Variants in DCPH1 observed in about 807,000 individuals in gnomAD.
DCPH1 encodes damage control phosphatase 1.
the DCPH1 span, among the ~76,000 whole-genome samples, chr6:151,453,630 C>G: frequency 6.6e-6 from 1 of 152,074 alleles, no homozygotes; most frequent in Non-Finnish European, 1.5e-5. Flanking sequence ...TGAAGAAATA[C>G]CCAAGTTACA....
chr6:151,455,679 G>C, the DCPH1 span, among the ~76,000 whole-genome samples: 1 of 152,168 alleles, frequency 6.6e-6, no homozygotes, highest in Non-Finnish European at 1.5e-5. Context: ...GGACGGGCAG[G>C]AGACAGATGC....
chr6:151,468,859 G>T, the DCPH1 span: 4 of 1,614,046 alleles, frequency 2.5e-6, no homozygotes, highest in Non-Finnish European at 3.4e-6. Context: ...ACTACAGAAG[G>T]CACATTTAAT....
the DCPH1 span, among the ~76,000 whole-genome samples, chr6:151,454,242 CA>C: frequency 1.3e-5 from 2 of 152,172 alleles, no homozygotes; most frequent in African/African-American, 4.8e-5. Context: ...CCTATCCTAT[CA>C]CTTTGCTAAG....
At chr6:151,463,205 T>C in the DCPH1 span, among the ~76,000 whole-genome samples, 1 of 152,220 alleles carries the variant, frequency 6.6e-6, no homozygotes, top group South Asian at 2.1e-4. Context: ...TTTTTATCCT[T>C]TTAAGTCACC....
chr6:151,459,257 A>T, the DCPH1 span, among the ~76,000 whole-genome samples: 3 of 152,322 alleles, frequency 2.0e-5, no homozygotes, highest in South Asian at 6.2e-4. Context: ...TTATATAAAT[A>T]AGGATGGGAC....
At chr6:151,468,526 G>A in the DCPH1 span, 21 of 1,613,764 alleles carry the variant, frequency 1.3e-5, no homozygotes, top group Admixed American at 1.2e-4. Flanking sequence ...TGCTACTAGA[G>A]TGTATATTGT....
At chr6:151,468,842 A>G in the DCPH1 span, 3 of 1,614,220 alleles carry the variant, frequency 1.9e-6, no homozygotes, top group Non-Finnish European at 2.5e-6. Flanking sequence ...CCTGACTTAT[A>G]TGCTGAACTA....
At chr6:151,462,923 T>G in the DCPH1 span, among the ~76,000 whole-genome samples, 1 of 152,162 alleles carries the variant, frequency 6.6e-6, no homozygotes, top group Non-Finnish European at 1.5e-5. Flanking sequence ...AGGTAGTAAA[T>G]CTTTTAGGCA....
At chr6:151,468,360 T>TAC in the DCPH1 span, 4 of 1,549,110 alleles carry the variant, frequency 2.6e-6, no homozygotes, top group Non-Finnish European at 3.5e-6. Context: ...TGTGGGGAAA[T>TAC]AAGTGTGATC....
chr6:151,455,955 G>C, the DCPH1 span, among the ~76,000 whole-genome samples: 1 of 152,262 alleles, frequency 6.6e-6, no homozygotes, highest in Non-Finnish European at 1.5e-5. Context: ...GGAGTATGCT[G>C]CCTTCAAGCA....
the DCPH1 span, among the ~76,000 whole-genome samples, chr6:151,459,218 TA>T: frequency 1.3e-5 from 2 of 152,178 alleles, no homozygotes; most frequent in African/African-American, 4.8e-5. Flanking sequence ...GCTTATTGAG[TA>T]AAAAATGTAA....
chr6:151,463,641 T>TA, the DCPH1 span, among the ~76,000 whole-genome samples: 2 of 152,258 alleles, frequency 1.3e-5, no homozygotes, highest in South Asian at 2.1e-4. Flanking sequence ...GTATGTTATT[T>TA]AAAAAAACAA....
At chr6:151,468,596 C>G in the DCPH1 span, 1 of 1,614,092 alleles carries the variant, frequency 6.2e-7, no homozygotes, top group South Asian at 1.1e-5. Context: ...TTCTTGTTGT[C>G]CTCTGAACTG....
At chr6:151,463,722 A>G in the DCPH1 span, among the ~76,000 whole-genome samples, 1 of 152,214 alleles carries the variant, frequency 6.6e-6, no homozygotes, top group East Asian at 1.9e-4. Flanking sequence ...CCCATGGAAA[A>G]AGTAGCTAAT....
chr6:151,455,152 A>G, the DCPH1 span, among the ~76,000 whole-genome samples: 3 of 151,114 alleles, frequency 2.0e-5, no homozygotes, highest in Admixed American at 6.6e-5. Flanking sequence ...ATAGGACTTT[A>G]GAAATCACTT....
the DCPH1 span, among the ~76,000 whole-genome samples, chr6:151,460,524 A>T: frequency 6.6e-6 from 1 of 151,060 alleles, no homozygotes; most frequent in African/African-American, 2.4e-5. Flanking sequence ...GGTGGCTCAC[A>T]CCTGTAATCC....
chr6:151,467,314 G>A, the DCPH1 span, among the ~76,000 whole-genome samples: 1 of 151,252 alleles, frequency 6.6e-6, no homozygotes, highest in Admixed American at 6.6e-5. Context: ...AATCACAAAT[G>A]AGGGCCTGAC....
chr6:151,468,711 T>C, the DCPH1 span: 1 of 1,614,172 alleles, frequency 6.2e-7, no homozygotes, highest in Non-Finnish European at 8.5e-7. Flanking sequence ...ACAGTAATCA[T>C]AAGTGGATGT....
At chr6:151,467,473 G>C in the DCPH1 span, among the ~76,000 whole-genome samples, 6 of 152,032 alleles carry the variant, frequency 3.9e-5, no homozygotes, top group East Asian at 1.2e-3. Context: ...AGTCTGTTTT[G>C]GCTAGTGTTT....
Sources: gnomAD v4.1 joint callset for allele counts (sites outside exome capture counted in the v4.1 genomes callset) on GRCh38, gnomAD v4.1.1 for gene constraint, MANE v1.5 for transcripts, NCBI Gene and HGNC (gene_info 2026-07-23, HGNC 2026-07-21) for gene names.